Variants in HTR2C observed in about 807,000 individuals in gnomAD.
HTR2C encodes 5-hydroxytryptamine receptor 2C.
In HTR2C, 5 loss-of-function variants were observed where a neutral mutation model predicts 21.0. That is an observed-to-expected ratio of 0.24 (90% CI 0.12 to 0.50). The LOEUF is 0.50. Among genes scored for constraint, HTR2C ranks in the 20% least tolerant of loss-of-function variants. HTR2C has a pLI of 0.98. For synonymous variants in HTR2C, 150 were observed against 145.3 expected, an observed-to-expected ratio of 1.03 and a Z score of -0.23; for missense variants, 271 against 371.2, an observed-to-expected ratio of 0.73 and a Z score of 2.22.
chrX:114,634,174 G>A (rs1929753984), intron 2 of HTR2C, among the ~76,000 whole-genome samples: 1 of 109,402 alleles, frequency 9.1e-6, no homozygotes, highest in Non-Finnish European at 1.9e-5. Context: ...ACAAATGTGG[G>A]CCTTTTTATC....
At chrX:114,683,439 G>A (rs1428187244) in intron 2 of HTR2C, among the ~76,000 whole-genome samples, 2 of 109,810 alleles carry the variant, frequency 1.8e-5, no homozygotes, top group East Asian at 2.8e-4. Flanking sequence ...TCCTGGTATC[G>A]GGGGAGAGGG....
chrX:114,721,510 T>C (rs1335259381), intron 2 of HTR2C, among the ~76,000 whole-genome samples: 143 of 93,544 alleles, frequency 1.5e-3, no homozygotes, highest in African/African-American at 5.5e-3. Flanking sequence ...GTGCAGAAGC[T>C]CTTTAGTTTA....
chrX:114,639,221 GAAAT>G (rs1929991006), intron 2 of HTR2C, among the ~76,000 whole-genome samples: 1 of 111,940 alleles, frequency 8.9e-6, no homozygotes, highest in East Asian at 2.8e-4. Context: ...AAAACAATGT[GAAAT>G]AAATATTTCA....
chrX:114,716,522 A>C (rs1933000683), intron 2 of HTR2C, among the ~76,000 whole-genome samples: 2 of 111,389 alleles, frequency 1.8e-5, no homozygotes, highest in African/African-American at 6.5e-5. Context: ...ATAACCACTT[A>C]ACATTATCTT....
rs1400864899 is a variant in HTR2C at position 114,856,892 on chromosome X, C to A, written c.550+8689C>A. On this transcript the variant is annotated intron_variant, in intron 5 of 5. Coordinates refer to ENST00000276198, the MANE Select transcript of HTR2C (RefSeq NM_000868.4). ...TCACCCACCATTACATTGGCATTATCAGTAAAATTGTAAACACATTGAAAA... is the reference window on the plus strand; with the variant it reads ...TCACCCACCATTACATTGGCATTATAAGTAAAATTGTAAACACATTGAAAA... 6.3e-5 allele frequency among the ~76,000 whole-genome samples: 7 copies of A among 111,030 alleles called. 1 individual carries two copies. In the Admixed American group the frequency reaches 6.7e-4, roughly 11 times the overall value.
chrX:114,721,479 C>T (rs1261387073), intron 2 of HTR2C, among the ~76,000 whole-genome samples: 1 of 92,653 alleles, frequency 1.1e-5, no homozygotes, highest in Non-Finnish European at 2.1e-5. Context: ...CCTGTTCACT[C>T]TGATGGTAGT....
chrX:114,717,056 G>A (rs1199417783), intron 2 of HTR2C, among the ~76,000 whole-genome samples: 1 of 111,026 alleles, frequency 9.0e-6, no homozygotes, highest in Non-Finnish European at 1.9e-5. Context: ...TGAGACAGAA[G>A]TGATCTAGTT....
At chrX:114,795,729 T>C (rs145401264) in intron 4 of HTR2C, among the ~76,000 whole-genome samples, 2,015 of 111,643 alleles carry the variant, frequency 0.018, 49 homozygotes, top group African/African-American at 0.063. Context: ...TCTATATCTC[T>C]GTTTTGGTAC....
intron 1 of HTR2C, among the ~76,000 whole-genome samples, chrX:114,603,659 G>A (rs187730441): frequency 5.7e-5 from 3 of 52,369 alleles, no homozygotes; most frequent in Admixed American, 2.3e-4. Flanking sequence ...GGGGCTGTCT[G>A]TGAAGCTTTG....
intron 5 of HTR2C, among the ~76,000 whole-genome samples, chrX:114,875,109 A>G (rs1394235438): frequency 9.0e-6 from 1 of 110,819 alleles, no homozygotes; most frequent in African/African-American, 3.3e-5. Context: ...CATAGTCTGC[A>G]CCCTCTTGCA....
At chrX:114,807,661 G>A (rs2070491043) in intron 4 of HTR2C, among the ~76,000 whole-genome samples, 1 of 84,343 alleles carries the variant, frequency 1.2e-5, no homozygotes, top group South Asian at 7.3e-4. Context: ...TACATTCTTA[G>A]TTATTTTTTA....
intron 4 of HTR2C, among the ~76,000 whole-genome samples, chrX:114,803,805 C>T (rs2070376321): frequency 9.0e-6 from 1 of 110,922 alleles, no homozygotes; most frequent in South Asian, 3.8e-4. Flanking sequence ...GAAGTCCTTG[C>T]CCATGCCTAT....
chrX:114,898,876 G>C (rs2071316514), intron 5 of HTR2C, among the ~76,000 whole-genome samples: 1 of 111,518 alleles, frequency 9.0e-6, no homozygotes, highest in South Asian at 3.8e-4. Context: ...TGGCTATTTG[G>C]GCTCTTTTTT....
intron 2 of HTR2C, among the ~76,000 whole-genome samples, chrX:114,702,302 G>T (rs1199062083): frequency 9.1e-6 from 1 of 109,521 alleles, no homozygotes; most frequent in South Asian, 4.1e-4. Context: ...GTTAAGGGCA[G>T]CCAGAGAGAA....
At chrX:114,816,197 A>T (rs782266708) in intron 4 of HTR2C, among the ~76,000 whole-genome samples, 259 of 110,512 alleles carry the variant, frequency 2.3e-3, no homozygotes, top group African/African-American at 7.7e-3. Flanking sequence ...TATAATACGA[A>T]TTGTATGACC....
intron 5 of HTR2C, among the ~76,000 whole-genome samples, chrX:114,875,411 T>G (rs1167325105): frequency 3.6e-5 from 4 of 111,899 alleles, no homozygotes; most frequent in Non-Finnish European, 7.5e-5. Context: ...TTCTGTTTGA[T>G]ATCATCCCAG....
chrX:114,622,419 T>G (rs1929202051), intron 2 of HTR2C, among the ~76,000 whole-genome samples: 1 of 111,510 alleles, frequency 9.0e-6, no homozygotes, highest in Admixed American at 9.6e-5. Flanking sequence ...AAAAATGGGA[T>G]ATCAAGTAGA....
intron 4 of HTR2C, among the ~76,000 whole-genome samples, chrX:114,758,784 A>ACATCC (rs1458979793): frequency 8.9e-6 from 1 of 111,903 alleles, no homozygotes; most frequent in African/African-American, 3.2e-5. Context: ...GGTAAGAATT[A>ACATCC]CATCCAGGCA....
At chrX:114,632,896 G>A (rs1018896488) in intron 2 of HTR2C, among the ~76,000 whole-genome samples, 15 of 110,459 alleles carry the variant, frequency 1.4e-4, no homozygotes, top group African/African-American at 4.6e-4. Flanking sequence ...TAATAACCTT[G>A]CAAATGAATG....
Sources: gnomAD v4.1 joint callset for allele counts (sites outside exome capture counted in the v4.1 genomes callset) on GRCh38, gnomAD v4.1.1 for gene constraint, MANE v1.5 for transcripts, NCBI Gene and HGNC (gene_info 2026-07-23, HGNC 2026-07-21) for gene names.